The following USH2A variants were observed in gnomAD, a reference collection of about 807,000 sequenced individuals.
The protein encoded by USH2A is usherin, also known as Usher syndrome 2A (autosomal recessive, mild).
In USH2A, 443 loss-of-function variants were observed where a neutral mutation model predicts 538.9. That is an observed-to-expected ratio of 0.82 (90% CI 0.76 to 0.89). The LOEUF (loss-of-function observed/expected upper bound fraction) is 0.89, where lower values mean the gene tolerates loss of function less well. Among genes scored for constraint, USH2A ranks in the 40% least tolerant of loss-of-function variants. USH2A has a pLI of 0.00. For synonymous variants in USH2A, 2,413 were observed against 2,273.5 expected (o/e 1.06, Z -1.75); for missense variants, 6,633 against 6,324.8 (o/e 1.05, Z -1.65).
rs1418571808 is a variant in USH2A, at chr1:216,118,091, T to C, written c.4628-20878A>G. Among the ~76,000 whole-genome samples the C allele has an allele frequency of 2.6e-5, 4 of 152,054 alleles. No individual in the cohort carries two copies. The South Asian group carries it at 6.2e-4, about 24-fold the overall frequency. On this transcript the variant is annotated intron_variant, in intron 21 of 71. Coordinates refer to ENST00000307340, the MANE Select transcript of USH2A (RefSeq NM_206933.4). ...TAATTTATATGTAACTTTGGACAAATCGTTTAACTTTTCTACACCTAATAT... is the reference window on the plus strand; with the variant it reads ...TAATTTATATGTAACTTTGGACAAACCGTTTAACTTTTCTACACCTAATAT...
intron 58 of USH2A, among the ~76,000 whole-genome samples, chr1:215,757,844 T>C (rs1474943491): frequency 2.0e-5 from 3 of 152,136 alleles, no homozygotes; most frequent in African/African-American, 4.8e-5. Flanking sequence ...CCAAGGTACA[T>C]GGGTGAAGTG....
At chr1:216,376,263 C>T (rs2038819323) in intron 3 of USH2A, among the ~76,000 whole-genome samples, 1 of 152,064 alleles carries the variant, frequency 6.6e-6, no homozygotes, top group African/African-American at 2.4e-5. Context: ...TGAAGCACAA[C>T]AGAACAAGGT....
chr1:215,677,288 C>T (rs566823952), intron 62 of USH2A, among the ~76,000 whole-genome samples: 3 of 152,232 alleles, frequency 2.0e-5, no homozygotes, highest in South Asian at 4.2e-4. Context: ...TCACTACTGC[C>T]GTTATTCTCA....
chr1:216,312,348 A>G (rs2037437485), intron 9 of USH2A, among the ~76,000 whole-genome samples: 1 of 152,138 alleles, frequency 6.6e-6, no homozygotes, highest in Non-Finnish European at 1.5e-5. Context: ...CATTTGGAAT[A>G]TGAAAAATTC....
intron 60 of USH2A, 138 bp downstream of exon 60, chr1:215,741,233 AACAT>A: frequency 9.7e-7 from 1 of 1,034,644 alleles, no homozygotes; most frequent in Non-Finnish European, 1.4e-6. Context: ...CAAACAAACA[AACAT>A]ACAAAACAAA....
chr1:216,411,891 C>T (rs1281587194), intron 3 of USH2A, among the ~76,000 whole-genome samples: 1 of 152,136 alleles, frequency 6.6e-6, no homozygotes, highest in Non-Finnish European at 1.5e-5. Context: ...GCCTAGAAAA[C>T]TAATACACAT....
intron 10 of USH2A, 55 bp downstream of exon 10, chr1:216,292,120 G>A (rs1475499693): frequency 6.5e-7 from 1 of 1,548,336 alleles, no homozygotes; most frequent in African/African-American, 1.4e-5. Context: ...AATATGCATT[G>A]TAGATAGAAG....
At chr1:215,832,525 CA>C (rs1162493241) in intron 47 of USH2A, among the ~76,000 whole-genome samples, 4 of 151,686 alleles carry the variant, frequency 2.6e-5, no homozygotes, top group Admixed American at 6.6e-5. Flanking sequence ...TTTAAAATGT[CA>C]AAAAAGCATG....
chr1:216,099,069 A>G (rs1003582561), intron 21 of USH2A, among the ~76,000 whole-genome samples: 1 of 152,212 alleles, frequency 6.6e-6, no homozygotes, highest in Non-Finnish European at 1.5e-5. Context: ...TCCTTTAGTC[A>G]CAGCAAAGGT....
At chr1:216,090,366 T>A (rs775411031) in intron 22 of USH2A, among the ~76,000 whole-genome samples, 1 of 151,810 alleles carries the variant, frequency 6.6e-6, no homozygotes, top group Non-Finnish European at 1.5e-5. Flanking sequence ...ATTTAATTGG[T>A]TCCTGTCGGG....
chr1:215,672,001 A>T (rs1657833159), intron 63 of USH2A, among the ~76,000 whole-genome samples: 1 of 152,208 alleles, frequency 6.6e-6, no homozygotes, highest in Admixed American at 6.5e-5. Flanking sequence ...TACACACCAG[A>T]TTATCAATCA....
At chr1:216,337,199 A>G (rs952588754) in intron 4 of USH2A, among the ~76,000 whole-genome samples, 7 of 151,442 alleles carry the variant, frequency 4.6e-5, no homozygotes, top group Non-Finnish European at 7.4e-5. Context: ...GCTAATAACT[A>G]TTGCATACTG....
rs147425337 is a variant in USH2A, at chr1:216,020,974, T to C, written c.6326-20412A>G. Among the ~76,000 whole-genome samples, 4 of 152,252 alleles carry C rather than the reference T, an allele frequency of 2.6e-5. No homozygotes were observed. The East Asian group carries it at 7.7e-4, about 29-fold the overall frequency. On this transcript the variant is annotated intron_variant, in intron 32 of 71. Coordinates refer to ENST00000307340, the MANE Select transcript of USH2A (RefSeq NM_206933.4). Reference sequence around the variant, plus strand: ...TGTGTAGCTCAGCTGGAGAGAATTGTGGCTAAAGTGGGGACTCAATACTTG... The same window carrying C: ...TGTGTAGCTCAGCTGGAGAGAATTGCGGCTAAAGTGGGGACTCAATACTTG...
intron 21 of USH2A, among the ~76,000 whole-genome samples, chr1:216,110,611 T>C (rs1249835480): frequency 6.6e-6 from 1 of 152,198 alleles, no homozygotes; most frequent in Non-Finnish European, 1.5e-5. Flanking sequence ...GTAGAAGTAT[T>C]TGTATCCAAA....
intron 61 of USH2A, among the ~76,000 whole-genome samples, chr1:215,716,883 T>C (rs1659503599): frequency 6.6e-6 from 1 of 152,216 alleles, no homozygotes; most frequent in Admixed American, 6.5e-5. Flanking sequence ...TCAGATTTTG[T>C]TACTCTTTGG....
rs2036143996 is a variant in USH2A, at chr1:216,250,842, T to C, written c.2167+61A>G. ...TTTACTCTTCAGTTAAGAAATCAAA[T>C]AGAGAATTTTATTCCAGATGGTAAT... On this transcript the variant is annotated intron_variant, in intron 12 of 71. Coordinates refer to ENST00000307340, the MANE Select transcript of USH2A (RefSeq NM_206933.4). 8 of 1,567,462 alleles carry C rather than the reference T, an allele frequency of 5.1e-6. No homozygotes were observed. The South Asian group carries it at 8.0e-5, about 16-fold the overall frequency.
At chr1:216,180,555 T>C (rs2034473357) in intron 20 of USH2A, among the ~76,000 whole-genome samples, 1 of 152,080 alleles carries the variant, frequency 6.6e-6, no homozygotes, top group African/African-American at 2.4e-5. Flanking sequence ...GGATAAGAAC[T>C]AAAAGCTGAA....
At chr1:215,942,040 G>C (rs1666648175) in intron 37 of USH2A, among the ~76,000 whole-genome samples, 1 of 152,096 alleles carries the variant, frequency 6.6e-6, no homozygotes, top group African/African-American at 2.4e-5. Flanking sequence ...GGTCTCAAAA[G>C]ACTGCAGTCA....
chr1:215,628,764 A>AT (rs780255432), intron 71 of USH2A, 50 bp downstream of exon 71: 88 of 1,599,546 alleles, frequency 5.5e-5, no homozygotes, highest in East Asian at 2.2e-5. Flanking sequence ...CTGTACCAAT[A>AT]TTTTTTCTGG....
Sources: gnomAD v4.1 joint callset for allele counts (sites outside exome capture counted in the v4.1 genomes callset) on GRCh38, gnomAD v4.1.1 for gene constraint, MANE v1.5 for transcripts, NCBI Gene and HGNC (gene_info 2026-07-23, HGNC 2026-07-21) for gene names.